Variants in CTNNA2 observed in about 807,000 individuals in gnomAD.
The protein encoded by CTNNA2 is catenin alpha 2.
A neutral mutation model predicts 101.0 loss-of-function variants in CTNNA2; 42 were observed. That is an observed-to-expected ratio of 0.42 (90% CI 0.32 to 0.54). The LOEUF (loss-of-function observed/expected upper bound fraction) is 0.54, where lower values mean the gene tolerates loss of function less well. CTNNA2 is among the 20% of genes least tolerant of loss of function. CTNNA2 has a pLI of 0.14. For missense variants in CTNNA2, 871 were observed against 1,223.1 expected (o/e 0.71, Z 4.29); for synonymous variants, 450 against 456.4 (o/e 0.99, Z 0.18).
intron 2 of CTNNA2, among the ~76,000 whole-genome samples, chr2:79,207,512 C>T (rs1308704957): frequency 2.6e-5 from 4 of 152,032 alleles, no homozygotes; most frequent in African/African-American, 9.7e-5. Flanking sequence ...AATCTGTAGC[C>T]CAAATTACTA....
intron 7 of CTNNA2, among the ~76,000 whole-genome samples, chr2:80,340,320 C>T (rs1672114841): frequency 6.6e-6 from 1 of 152,222 alleles, no homozygotes; most frequent in Non-Finnish European, 1.5e-5. Context: ...AGAGAAGGAT[C>T]AGCCAACTGG....
chr2:79,844,392 A>G (rs902350613), intron 3 of CTNNA2, among the ~76,000 whole-genome samples: 10 of 152,256 alleles, frequency 6.6e-5, no homozygotes, highest in Non-Finnish European at 1.0e-4. Context: ...AGGAAAAAAT[A>G]TGGAGCATAT....
At chr2:79,984,592 G>A (rs953054464) in intron 7 of CTNNA2, among the ~76,000 whole-genome samples, 2 of 152,084 alleles carry the variant, frequency 1.3e-5, no homozygotes, top group East Asian at 1.9e-4. Context: ...AAATGCAACC[G>A]GGTTGAGAAT....
chr2:80,425,930 C>G (rs1372568284), intron 9 of CTNNA2, among the ~76,000 whole-genome samples: 2 of 151,882 alleles, frequency 1.3e-5, no homozygotes, highest in East Asian at 3.9e-4. Flanking sequence ...TTTTGAGAAG[C>G]TTTTGTTGTT....
At chr2:79,522,793 G>A (rs1573236603) in intron 1 of CTNNA2, among the ~76,000 whole-genome samples, 1 of 152,180 alleles carries the variant, frequency 6.6e-6, no homozygotes. Flanking sequence ...GAGGCTGGGA[G>A]TAGAGAAATA....
intron 3 of CTNNA2, among the ~76,000 whole-genome samples, chr2:79,352,727 G>C (rs1018653406): frequency 2.6e-5 from 4 of 152,096 alleles, no homozygotes; most frequent in African/African-American, 4.8e-5. Context: ...TCTTAAAAGT[G>C]TTTAGTACTA....
At chr2:79,681,003 A>G (rs77838311) in intron 2 of CTNNA2, among the ~76,000 whole-genome samples, 2 of 152,060 alleles carry the variant, frequency 1.3e-5, no homozygotes, top group African/African-American at 2.4e-5. Context: ...AAGAAAAAGC[A>G]AAATTACTTG....
chr2:80,387,187 G>C (rs1352979036), intron 7 of CTNNA2, among the ~76,000 whole-genome samples: 1 of 152,120 alleles, frequency 6.6e-6, no homozygotes, highest in African/African-American at 2.4e-5. Context: ...TACTCGGGAG[G>C]CTGAGGCAGG....
At chr2:80,498,094 G>T (rs759908531) in intron 9 of CTNNA2, among the ~76,000 whole-genome samples, 2 of 151,752 alleles carry the variant, frequency 1.3e-5, no homozygotes, top group Admixed American at 1.3e-4. Flanking sequence ...CAGGAGCAGG[G>T]TATCAAGTCT....
At chr2:80,523,658 C>T (rs1444125410) in intron 9 of CTNNA2, among the ~76,000 whole-genome samples, 2 of 152,134 alleles carry the variant, frequency 1.3e-5, no homozygotes, top group East Asian at 3.9e-4. Flanking sequence ...GGTACATGGA[C>T]ATGCAGCCAG....
chr2:80,385,092 T>G (rs2149354758), intron 7 of CTNNA2, among the ~76,000 whole-genome samples: 1 of 152,242 alleles, frequency 6.6e-6, no homozygotes, highest in South Asian at 2.1e-4. Context: ...AACTCCAGGT[T>G]CTATATAATG....
chr2:79,517,117 T>C (rs1671849848), intron 1 of CTNNA2, among the ~76,000 whole-genome samples: 1 of 152,218 alleles, frequency 6.6e-6, no homozygotes. Flanking sequence ...TTAAGTATAC[T>C]CTCTGTGTGG....
intron 9 of CTNNA2, among the ~76,000 whole-genome samples, chr2:80,442,748 A>G (rs1574051782): frequency 6.6e-6 from 1 of 152,180 alleles, no homozygotes; most frequent in South Asian, 2.1e-4. Flanking sequence ...TATTTAAACC[A>G]CTTCCCCTGC....
chr2:80,543,790 G>A (rs1449375220), intron 9 of CTNNA2, among the ~76,000 whole-genome samples: 1 of 152,162 alleles, frequency 6.6e-6, no homozygotes, highest in South Asian at 2.1e-4. Context: ...ATTCAGGAAT[G>A]GGAGGAGAGC....
At chr2:80,210,934 T>A (rs1392475856) in intron 7 of CTNNA2, among the ~76,000 whole-genome samples, 2 of 152,210 alleles carry the variant, frequency 1.3e-5, no homozygotes, top group African/African-American at 4.8e-5. Context: ...GGTATCTCAT[T>A]GTGGTTTTGA....
chr2:80,068,704 A>G (rs1034950867), intron 7 of CTNNA2, among the ~76,000 whole-genome samples: 1 of 152,150 alleles, frequency 6.6e-6, no homozygotes, highest in African/African-American at 2.4e-5. Context: ...TGAGGGTAGG[A>G]AAAAGGAAAA....
intron 4 of CTNNA2, among the ~76,000 whole-genome samples, chr2:79,860,373 G>A (rs867605903): frequency 6.6e-6 from 1 of 151,970 alleles, no homozygotes; most frequent in African/African-American, 2.4e-5. Context: ...CTCCACACTC[G>A]AGAAGTGTGA....
At chr2:79,978,069 G>A (rs56082265) in intron 7 of CTNNA2, among the ~76,000 whole-genome samples, 98 of 152,234 alleles carry the variant, frequency 6.4e-4, no homozygotes, top group Non-Finnish European at 1.2e-3. Context: ...CACATGAACA[G>A]GCCTTCACTG....
At chr2:79,507,683 C>T (rs1360608157) in intron 5 of CTNNA2, among the ~76,000 whole-genome samples, 1 of 152,110 alleles carries the variant, frequency 6.6e-6, no homozygotes, top group Admixed American at 6.6e-5. Context: ...GAAATAAGCT[C>T]ATTAATAAGC....
Sources: allele counts gnomAD v4.1 joint callset (sites outside exome capture counted in the v4.1 genomes callset), GRCh38; gene constraint gnomAD v4.1.1; transcripts MANE v1.5; gene names NCBI Gene and HGNC (gene_info 2026-07-23, HGNC 2026-07-21).